Variants in FANCD2 observed in about 807,000 individuals in gnomAD.
FANCD2 encodes the protein FA complementation group D2, also known as Fanconi anemia group D2 protein.
FANCD2 carries 131 observed loss-of-function variants against 192.3 expected under a neutral mutation model. That is an observed-to-expected ratio of 0.68 (90% CI 0.59 to 0.79). The LOEUF (loss-of-function observed/expected upper bound fraction) is 0.79, where lower values mean the gene tolerates loss of function less well. Among genes scored for constraint, FANCD2 ranks in the 30% least tolerant of loss-of-function variants. The pLI is 0.00. For missense variants in FANCD2, 1,508 were observed against 1,701.6 expected (o/e 0.89, Z 2.00); for synonymous variants, 524 against 612.5 (o/e 0.86, Z 2.13).
intron 7 of FANCD2, among the ~76,000 whole-genome samples, chr3:10,037,981 A>T (rs1361379445): frequency 6.6e-6 from 1 of 152,112 alleles, no homozygotes; most frequent in Non-Finnish European, 1.5e-5. Flanking sequence ...TGATACAGTA[A>T]TAGTAAGTTT....
rs772075763 is a variant in FANCD2 at position 10,064,735 on chromosome 3, T to C, written c.2028T>C (p.Phe676=). 10 of 1,614,172 alleles carry C rather than the reference T, an allele frequency of 6.2e-6. 1 individual carries two copies. Among genetic ancestry groups the C allele is most frequent in the Middle Eastern group, 1.7e-4 (1 of 6,050 alleles). ...VDSCVVPEGD[F]PFPVKALYGL... ...TTCTGGTTTTTCTCCGCAGTGACTT[T>C]CCATTTCCTGTGAAAGCACTGTACG... The change falls in exon 23 of 44, where the codon TTT becomes TTC. Residue 676 remains phenylalanine, a synonymous_variant. Coordinates refer to ENST00000675286, the MANE Select transcript of FANCD2 (RefSeq NM_001018115.3).
intron 2 of FANCD2, chr3:10,032,326 G>T: frequency 2.4e-6 from 1 of 419,342 alleles, no homozygotes; most frequent in Non-Finnish European, 4.7e-6. Context: ...TGTCACCCAG[G>T]CTGGAGTGCA....
In FANCD2 at chr3:10,042,672, T is replaced by G. The variant is rs777620616; in HGVS notation, c.888+9T>G. The G allele has an allele frequency of 3.1e-6, 5 of 1,604,000 alleles. No individual in the cohort carries two copies. In the Admixed American group the frequency reaches 6.7e-5, roughly 21 times the overall value. On this transcript the variant is annotated intron_variant, in intron 11 of 43. Coordinates refer to ENST00000675286, the MANE Select transcript of FANCD2 (RefSeq NM_001018115.3). ...CCATGGATACACTTGAGGTATGCTC[T>G]TATATCCCATCACACCTAGATAAAG... is the stretch of plus-strand genomic sequence containing the variant.
intron 30 of FANCD2, among the ~76,000 whole-genome samples, chr3:10,079,139 G>C (rs1693688471): frequency 6.6e-6 from 1 of 151,972 alleles, no homozygotes; most frequent in South Asian, 2.1e-4. Flanking sequence ...AGGTACTTGG[G>C]AGGCTGAGGC....
chr3:10,073,049 T>A, intron 27 of FANCD2, 68 bp downstream of exon 27: 1 of 955,064 alleles, frequency 1.0e-6, no homozygotes, highest in Non-Finnish European at 1.7e-6. Context: ...CTAAAAGTTA[T>A]GTGTATCATG....
intron 2 of FANCD2, among the ~76,000 whole-genome samples, chr3:10,028,926 A>G (rs2086523740): frequency 6.6e-6 from 1 of 152,150 alleles, no homozygotes; most frequent in South Asian, 2.1e-4. Flanking sequence ...CAGCCTCTGG[A>G]CCTCAGTCTC....
intron 38 of FANCD2, 140 bp from the exon 39 acceptor site, chr3:10,093,145 A>G: frequency 2.9e-6 from 2 of 692,840 alleles, no homozygotes. Flanking sequence ...TCTGCTTTGT[A>G]ATATTAATTT....
At chr3:10,047,015 A>C (rs1486694351) in intron 15 of FANCD2, among the ~76,000 whole-genome samples, 1 of 152,304 alleles carries the variant, frequency 6.6e-6, no homozygotes, top group Non-Finnish European at 1.5e-5. Context: ...TTAGCCATTC[A>C]AAACTGTGGA....
chr3:10,076,775 G>A (rs1693565765), intron 29 of FANCD2, among the ~76,000 whole-genome samples: 1 of 152,076 alleles, frequency 6.6e-6, no homozygotes, highest in South Asian at 2.1e-4. Context: ...CGTCAGTCTG[G>A]AGTGCAGTGG....
chr3:10,064,160 C>T (rs55789830), intron 21 of FANCD2, among the ~76,000 whole-genome samples, 196 bp from the exon 22 acceptor site: 48 of 152,212 alleles, frequency 3.2e-4, no homozygotes, highest in African/African-American at 1.1e-3. Context: ...GTCTGAGAGC[C>T]CTATTCTGTG....
chr3:10,036,351 T>C lies in FANCD2; in HGVS notation c.491+12T>C. 1.2e-6 allele frequency: 2 copies of C among 1,600,978 alleles called. No individual in the cohort carries two copies. The highest frequency in any genetic ancestry group is 1.7e-6 in the Non-Finnish European group (2 of 1,168,262). ...TATTTTTTTGAAAAGTAAGTGGCGT[T>C]ATTATGGAATGTTCAAAGTACCCTG... On this transcript the variant is annotated intron_variant, in intron 7 of 43. Coordinates refer to ENST00000675286, the MANE Select transcript of FANCD2 (RefSeq NM_001018115.3).
At chr3:10,053,720 C>T (rs34044551) in intron 18 of FANCD2, among the ~76,000 whole-genome samples, 24 of 151,166 alleles carry the variant, frequency 1.6e-4, no homozygotes, top group Non-Finnish European at 2.9e-4. Context: ...TTACCACAAA[C>T]ATTAAGTGCC....
Position 10,036,086 on chromosome 3 carries a change from C to CTTTTTT in FANCD2, c.439-187_439-182dup, listed in dbSNP as rs532765216. Among the ~76,000 whole-genome samples the CTTTTTT allele has an allele frequency of 1.1e-3, 115 of 102,566 alleles. 10 individuals are homozygous for CTTTTTT. Among genetic ancestry groups the CTTTTTT allele is most frequent in the African/African-American group, 2.8e-3 (66 of 23,988 alleles). The allele number at this position is 102,566 out of a possible 152,430, so 67.3% of individuals were successfully genotyped here. ...TAGTTGGAAAGAGAATTATACATTT[C>CTTTTTT]TTTTTTTTTTTTTTTTTTTGAGTCA... is the stretch of plus-strand genomic sequence containing the variant. On this transcript the variant is annotated intron_variant, in intron 6 of 43. Transcript: ENST00000675286.
intron 18 of FANCD2, among the ~76,000 whole-genome samples, chr3:10,053,265 A>G (rs1318197643): frequency 6.6e-6 from 1 of 151,588 alleles, no homozygotes; most frequent in Non-Finnish European, 1.5e-5. Flanking sequence ...ATTCTCAGTA[A>G]ACTATCGCAA....
chr3:10,072,807 A>C, intron 26 of FANCD2, 64 bp from the exon 27 acceptor site: 1 of 913,144 alleles, frequency 1.1e-6, no homozygotes, highest in Non-Finnish European at 1.8e-6. Flanking sequence ...GAGTGACTGA[A>C]TTTCAAGTCT....
chr3:10,041,896 C>A (rs1341844974), intron 10 of FANCD2, among the ~76,000 whole-genome samples, 186 bp downstream of exon 10: 1 of 139,732 alleles, frequency 7.2e-6, no homozygotes. Flanking sequence ...ATGGTAGAGT[C>A]ACAGGTCTGT....
At position 10,063,773 on chromosome 3, in the gene FANCD2, T is replaced by G. The variant is rs2125032475; in HGVS notation, c.1828-19T>G. ...GATTGGCAGCCCAAGGTTTAAACCA[T>G]TCTTCCTCTTTGCTCCAGGTGACCT... is the stretch of plus-strand genomic sequence containing the variant. On this transcript the variant is annotated intron_variant, in intron 20 of 43. Coordinates refer to ENST00000675286, the MANE Select transcript of FANCD2 (RefSeq NM_001018115.3). 3 of 1,614,156 alleles carry G rather than the reference T, an allele frequency of 1.9e-6. No homozygotes were observed. The highest frequency in any genetic ancestry group is 1.3e-5 in the African/African-American group (1 of 75,068).
intron 43 of FANCD2, 75 bp from the exon 44 acceptor site, chr3:10,101,113 C>A: frequency 9.0e-7 from 1 of 1,116,004 alleles, no homozygotes. Flanking sequence ...GTTGTGTATC[C>A]TCTAGGAGCT....
chr3:10,070,474 C>T (rs1180249044), intron 26 of FANCD2, among the ~76,000 whole-genome samples: 2 of 21,244 alleles, frequency 9.4e-5, no homozygotes, highest in Non-Finnish European at 2.3e-4. Context: ...GCTCCTCTGC[C>T]GGGCCAGCCT....
Sources: allele counts gnomAD v4.1 joint callset (sites outside exome capture counted in the v4.1 genomes callset), GRCh38; gene constraint gnomAD v4.1.1; transcripts MANE v1.5; gene names NCBI Gene and HGNC (gene_info 2026-07-23, HGNC 2026-07-21).